UNC13B: variants seen among roughly 807,000 people sequenced by gnomAD.
The protein encoded by UNC13B is protein unc-13 homolog B.
A neutral mutation model predicts 211.0 loss-of-function variants in UNC13B; 144 were observed. The observed-to-expected ratio is 0.68, with a 90% CI of 0.60 to 0.78. The LOEUF (loss-of-function observed/expected upper bound fraction) is 0.78, where lower values mean the gene tolerates loss of function less well. Ranked by LOEUF, UNC13B falls within the 30% of genes least tolerant of loss-of-function variation. The pLI is 0.00. For missense variants in UNC13B, 1,777 were observed against 2,002.0 expected (o/e 0.89, Z 2.14); for synonymous variants, 709 against 725.8 (o/e 0.98, Z 0.37).
At chr9:35,268,357 C>T (rs567417769) in intron 7 of UNC13B, among the ~76,000 whole-genome samples, 3 of 152,280 alleles carry the variant, frequency 2.0e-5, no homozygotes, top group South Asian at 4.1e-4. Flanking sequence ...CAGTGGCTCA[C>T]GCCTGTAATC....
chr9:35,368,401 A>C (rs1333830082), intron 12 of UNC13B, among the ~76,000 whole-genome samples: 1 of 152,118 alleles, frequency 6.6e-6, no homozygotes, highest in Non-Finnish European at 1.5e-5. Context: ...GTTCTTTTTT[A>C]TGGCCACATA....
At chr9:35,337,436 A>G (rs1483478024) in intron 11 of UNC13B, among the ~76,000 whole-genome samples, 1 of 152,232 alleles carries the variant, frequency 6.6e-6, no homozygotes, top group Non-Finnish European at 1.5e-5. Context: ...CAGAGAAGTC[A>G]TCTCTGCATG....
chr9:35,374,783 A>G (rs927936635), intron 13 of UNC13B, among the ~76,000 whole-genome samples: 3 of 152,158 alleles, frequency 2.0e-5, no homozygotes, highest in African/African-American at 7.2e-5. Flanking sequence ...CCTGTTTCCT[A>G]CTATAGTTCT....
In UNC13B at chr9:35,223,825, G is replaced by A. The variant is rs1824692436; in HGVS notation, c.23-4190G>A. Among the ~76,000 whole-genome samples, 4 of 152,078 alleles carry A rather than the reference G, an allele frequency of 2.6e-5. No individual in the cohort carries two copies. The South Asian group carries it at 8.3e-4, about 32-fold the overall frequency. On this transcript the variant is annotated intron_variant, in intron 1 of 39. Coordinates refer to ENST00000635942, the MANE Select transcript of UNC13B (RefSeq NM_001371189.2). ...TATTTAACTCTTGAATTCATTTTGAGTTGATTTTTGTGATAGGTGCCCAGT... is the reference window on the plus strand; with the variant it reads ...TATTTAACTCTTGAATTCATTTTGAATTGATTTTTGTGATAGGTGCCCAGT...
rs16924320 is a variant in UNC13B, at chr9:35,274,400, G to A, written c.526+15350G>A. Among the ~76,000 whole-genome samples the A allele has an allele frequency of 1.8e-3, 267 of 152,284 alleles. 9 individuals are homozygous for A. In the East Asian group the frequency reaches 0.043, roughly 24 times the overall value. ...GAATTTGCATGTCTTACAGATTCAA[G>A]AGCATATAGTAGATTAATCCATGTT... On this transcript the variant is annotated intron_variant, in intron 7 of 39. Coordinates refer to ENST00000635942, the MANE Select transcript of UNC13B (RefSeq NM_001371189.2).
intron 7 of UNC13B, among the ~76,000 whole-genome samples, chr9:35,265,521 A>G (rs1827518385): frequency 6.6e-6 from 1 of 152,254 alleles, no homozygotes; most frequent in Non-Finnish European, 1.5e-5. Flanking sequence ...GAGCAGATGT[A>G]TACACTATGT....
chr9:35,331,177 CT>C (rs1225406935), intron 11 of UNC13B, among the ~76,000 whole-genome samples: 1 of 152,182 alleles, frequency 6.6e-6, no homozygotes, highest in East Asian at 1.9e-4. Flanking sequence ...AAAAAACATC[CT>C]TTTGCCAAAG....
chr9:35,378,575 C>A (rs1834606262), intron 17 of UNC13B, 139 bp downstream of exon 17: 1 of 1,133,664 alleles, frequency 8.8e-7, no homozygotes, highest in Non-Finnish European at 1.3e-6. Flanking sequence ...TTCGTTCAGA[C>A]ATCAGCCATT....
chr9:35,356,608 A>T (rs912821895), intron 11 of UNC13B, among the ~76,000 whole-genome samples: 5 of 152,300 alleles, frequency 3.3e-5, no homozygotes, highest in African/African-American at 1.2e-4. Flanking sequence ...TTATTGAGTT[A>T]TAATTCATGT....
At chr9:35,293,427 G>A (rs1587555242) in intron 7 of UNC13B, among the ~76,000 whole-genome samples, 1 of 152,210 alleles carries the variant, frequency 6.6e-6, no homozygotes, top group Admixed American at 6.5e-5. Context: ...GTCTGTCGCA[G>A]TTGCCTCCTT....
intron 26 of UNC13B, among the ~76,000 whole-genome samples, chr9:35,395,845 C>A (rs531374339): frequency 6.6e-6 from 1 of 152,272 alleles, no homozygotes; most frequent in African/African-American, 2.4e-5. Context: ...CCATAGTTTC[C>A]AAACTGACTA....
chr9:35,165,845 C>CT (rs1195876546), intron 1 of UNC13B, among the ~76,000 whole-genome samples: 1 of 152,066 alleles, frequency 6.6e-6, no homozygotes, highest in Non-Finnish European at 1.5e-5. Context: ...AATACGGATA[C>CT]TTTTTTTGGG....
In UNC13B at chr9:35,403,915, A is replaced by G. The variant is rs1410435595; in HGVS notation, c.12905A>G (p.His4302Arg). Reference protein sequence around the residue: ...ACWCPLGRKIHMDETGLTILR... With the variant: ...ACWCPLGRKIRMDETGLTILR... ...TGGTGCCCCTTGGGCCGGAAGATCC[A>G]TATGGATGAGACAGGCCTGACCATT... The change falls in exon 40 of 40, where the codon CAT becomes CGT. Residue 4302 changes from histidine (H) to arginine (R), a missense_variant. Coordinates refer to ENST00000635942, the MANE Select transcript of UNC13B (RefSeq NM_001371189.2). The G allele has an allele frequency of 6.2e-7, 1 of 1,614,184 alleles. No homozygotes were observed.
At chr9:35,382,248 C>G in intron 20 of UNC13B, 109 bp from the exon 21 acceptor site, 1 of 1,430,488 alleles carries the variant, frequency 7.0e-7, no homozygotes. Flanking sequence ...GAGAGGGCAG[C>G]AATTGCCCTG....
At chr9:35,340,659 G>A (rs190672637) in intron 11 of UNC13B, among the ~76,000 whole-genome samples, 37 of 152,308 alleles carry the variant, frequency 2.4e-4, no homozygotes, top group African/African-American at 8.2e-4. Context: ...ACTTGCCCAC[G>A]TACTGTTGGC....
chr9:35,303,774 G>C lies in UNC13B; in HGVS notation c.4370G>C (p.Gly1457Ala), dbSNP rs1829796657. Residue 1457 changes from glycine (G) to alanine (A), a missense_variant, in exon 9 of 40, where the codon GGT becomes GCT. Transcript: ENST00000635942. ...GCTAACTCATTATATGGAAACTCTG[G>C]TCCTCTTCCAATTAATGAGGCTAAT... ...WAANSLYGNS[G>A]PLPINEANNS... 5.0e-6 allele frequency: 2 copies of C among 398,534 alleles called. No homozygotes were observed. The highest frequency in any genetic ancestry group is 4.4e-5 in the Admixed American group (1 of 22,680). 24.7% of individuals were successfully genotyped at this position (398,534 alleles called of 1,614,324 possible). A position where few individuals can be genotyped will look rare whatever the true frequency, so the allele number is the denominator to read the frequency against.
At chr9:35,220,571 A>G (rs1177923045) in intron 1 of UNC13B, among the ~76,000 whole-genome samples, 2 of 152,106 alleles carry the variant, frequency 1.3e-5, no homozygotes, top group South Asian at 2.1e-4. Context: ...ACATAACACA[A>G]TGACCTCCAG....
At position 35,303,786 on chromosome 9, in the gene UNC13B, T is replaced by A. The variant is rs1829797368; in HGVS notation, c.4382T>A (p.Ile1461Asn). Residue 1461 changes from isoleucine to asparagine, a missense_variant, in exon 9 of 40, where the codon ATT (isoleucine) becomes AAT (asparagine). Transcript: ENST00000635942. ...SLYGNSGPLP[I>N]NEANNSLEEL... ...TATGGAAACTCTGGTCCTCTTCCAA[T>A]TAATGAGGCTAATAATTCACTAGAA... The A allele has an allele frequency of 2.5e-6, 1 of 398,690 alleles. No individual in the cohort carries two copies. Among genetic ancestry groups the A allele is most frequent in the Admixed American group, 4.4e-5 (1 of 22,700 alleles). The allele number at this position is 398,690 out of a possible 1,614,324, so 24.7% of individuals were successfully genotyped here. A position where few individuals can be genotyped will look rare whatever the true frequency, so the allele number is the denominator to read the frequency against.
intron 7 of UNC13B, among the ~76,000 whole-genome samples, chr9:35,268,399 C>T (rs1311683577): frequency 1.3e-5 from 2 of 152,152 alleles, no homozygotes; most frequent in Non-Finnish European, 2.9e-5. Context: ...GCAGGCAGAT[C>T]ATGAGGTCAA....
Sources: gnomAD v4.1 joint callset for allele counts (sites outside exome capture counted in the v4.1 genomes callset) on GRCh38, gnomAD v4.1.1 for gene constraint, MANE v1.5 for transcripts, NCBI Gene and HGNC (gene_info 2026-07-23, HGNC 2026-07-21) for gene names.